The following TRPC6 variants were observed in gnomAD, a reference collection of about 807,000 sequenced individuals.
TRPC6 encodes transient receptor potential cation channel subfamily C member 6.
TRPC6 carries 55 observed loss-of-function variants against 90.7 expected under a neutral mutation model. That is an observed-to-expected ratio of 0.61 (90% CI 0.49 to 0.76). The LOEUF (loss-of-function observed/expected upper bound fraction) is 0.76, where lower values mean the gene tolerates loss of function less well. Ranked by LOEUF, TRPC6 falls within the 30% of genes least tolerant of loss-of-function variation. The pLI is 0.00. For missense variants in TRPC6, 989 were observed against 1,122.7 expected, an observed-to-expected ratio of 0.88 and a Z score of 1.70; for synonymous variants, 393 against 393.0, an observed-to-expected ratio of 1.00 and a Z score of 0.00.
In TRPC6 at chr11:101,491,655, C is replaced by T. The variant is rs1349455609; in HGVS notation, c.1029G>A (p.Glu343=). 2.5e-6 allele frequency: 4 copies of T among 1,613,722 alleles called. No homozygotes were observed. Among genetic ancestry groups the T allele is most frequent in the East Asian group, 2.2e-5 (1 of 44,868 alleles). Residue 343 remains glutamate (E), a synonymous_variant, in exon 3 of 13, where the codon GAG becomes GAA. Coordinates refer to ENST00000344327, the MANE Select transcript of TRPC6 (RefSeq NM_004621.6). ...TTTCAACATCCCCATTCAGAATGGC[C>T]TCGACTTCTTCAGTGTTTCTGCACA... is the stretch of plus-strand genomic sequence containing the variant. The part of the protein sequence containing the change: ...LDLCRNTEEV[E]AILNGDVETL...
intron 10 of TRPC6, among the ~76,000 whole-genome samples, chr11:101,460,774 T>C (rs1246862590): frequency 6.6e-6 from 1 of 152,206 alleles, no homozygotes; most frequent in Non-Finnish European, 1.5e-5. Flanking sequence ...AATTTTATGC[T>C]ATATATATTT....
chr11:101,561,398 AC>A (rs1229416070), intron 1 of TRPC6, among the ~76,000 whole-genome samples: 2 of 152,124 alleles, frequency 1.3e-5, no homozygotes, highest in Non-Finnish European at 2.9e-5. Context: ...TAGAATAAGC[AC>A]CCTTATAAAT....
At chr11:101,504,862 T>C in intron 1 of TRPC6, 64 bp from the exon 2 acceptor site, 5 of 1,576,938 alleles carry the variant, frequency 3.2e-6, no homozygotes, top group Non-Finnish European at 4.3e-6. Flanking sequence ...GCCAAATGAC[T>C]TGCCATTCAT....
chr11:101,566,781 C>T (rs1000722874), intron 1 of TRPC6, among the ~76,000 whole-genome samples: 1 of 152,142 alleles, frequency 6.6e-6, no homozygotes, highest in African/African-American at 2.4e-5. Flanking sequence ...TGCAAGGGGT[C>T]GGGGAACTCC....
chr11:101,521,680 C>T (rs534404371), intron 1 of TRPC6, among the ~76,000 whole-genome samples: 2 of 152,356 alleles, frequency 1.3e-5, no homozygotes, highest in South Asian at 4.1e-4. Context: ...AACACCAGCC[C>T]TTGAGAGCAG....
In TRPC6 at chr11:101,469,511, A is replaced by ATAGAT. The variant is rs752788506; in HGVS notation, c.2410-15_2410-11dup. On this transcript the variant is annotated splice_polypyrimidine_tract_variant and intron_variant, in intron 9 of 12. Coordinates refer to ENST00000344327, the MANE Select transcript of TRPC6 (RefSeq NM_004621.6). ...TCTTTTCTTCATTTATCTTTTAAAG[A>ATAGAT]TAGATAGTAAAATGAGTATAACTGC... is the stretch of plus-strand genomic sequence containing the variant. The ATAGAT allele has an allele frequency of 1.3e-6, 1 of 751,152 alleles. No individual in the cohort carries two copies. Among genetic ancestry groups the ATAGAT allele is most frequent in the African/African-American group, 1.7e-5 (1 of 58,604 alleles). The allele number at this position is 751,152 out of a possible 1,614,324, so 46.5% of individuals were successfully genotyped here. A position where few individuals can be genotyped will look rare whatever the true frequency, so the allele number is the denominator to read the frequency against.
At chr11:101,475,148 A>C (rs1426139055) in intron 6 of TRPC6, among the ~76,000 whole-genome samples, 1 of 152,172 alleles carries the variant, frequency 6.6e-6, no homozygotes, top group Non-Finnish European at 1.5e-5. Flanking sequence ...TCTGGCCTCC[A>C]TATTAATTTC....
intron 11 of TRPC6, 46 bp from the exon 12 acceptor site, chr11:101,453,771 G>T: frequency 6.4e-7 from 1 of 1,561,442 alleles, no homozygotes; most frequent in South Asian, 1.1e-5. Context: ...TCAGGTTCAT[G>T]ACAAATCTCT....
chr11:101,487,678 G>T (rs1443952026), intron 4 of TRPC6, among the ~76,000 whole-genome samples: 1 of 152,058 alleles, frequency 6.6e-6, no homozygotes, highest in Non-Finnish European at 1.5e-5. Flanking sequence ...TACTACAGAT[G>T]TCATTTCTAG....
intron 3 of TRPC6, among the ~76,000 whole-genome samples, chr11:101,491,087 A>G (rs1340784085): frequency 1.3e-5 from 2 of 152,222 alleles, no homozygotes; most frequent in Admixed American, 1.3e-4. Flanking sequence ...TAGTGTAGGT[A>G]GAGTGCCTCA....
intron 1 of TRPC6, among the ~76,000 whole-genome samples, chr11:101,569,273 G>A (rs1861903180): frequency 6.6e-6 from 1 of 151,654 alleles, no homozygotes; most frequent in Admixed American, 6.6e-5. Flanking sequence ...AACAAAGAAG[G>A]CCATTACATG....
At chr11:101,487,453 C>G (rs1335440053) in intron 4 of TRPC6, among the ~76,000 whole-genome samples, 1 of 152,000 alleles carries the variant, frequency 6.6e-6, no homozygotes, top group Non-Finnish European at 1.5e-5. Context: ...TGAAGTCTTG[C>G]CTTTTAGTAC....
chr11:101,565,900 A>T (rs1861817949), intron 1 of TRPC6, among the ~76,000 whole-genome samples: 1 of 152,184 alleles, frequency 6.6e-6, no homozygotes, highest in Non-Finnish European at 1.5e-5. Flanking sequence ...TGTGAAAACC[A>T]CTAATTAAAA....
At chr11:101,526,274 T>A (rs1458064933) in intron 1 of TRPC6, among the ~76,000 whole-genome samples, 6 of 152,204 alleles carry the variant, frequency 3.9e-5, no homozygotes, top group Admixed American at 2.0e-4. Flanking sequence ...ACTGTTATTC[T>A]TACAGAAACT....
rs556624411 is a variant in TRPC6, at chr11:101,466,281, T to C, written c.2484+3146A>G. On this transcript the variant is annotated intron_variant, in intron 10 of 12. Coordinates refer to ENST00000344327, the MANE Select transcript of TRPC6 (RefSeq NM_004621.6). ...TTTTCAGAGCCGCCAGGCAGGGATG[T>C]TTAAGTCTGCTGAAGCTGTGCCCAC... Among the ~76,000 whole-genome samples, 5 of 152,320 alleles carry C rather than the reference T, an allele frequency of 3.3e-5. No individual in the cohort carries two copies. The South Asian group carries it at 1.0e-3, about 32-fold the overall frequency.
intron 10 of TRPC6, among the ~76,000 whole-genome samples, chr11:101,458,880 T>A (rs1858942363): frequency 6.6e-6 from 1 of 152,186 alleles, no homozygotes; most frequent in African/African-American, 2.4e-5. Flanking sequence ...AGAAATTCAC[T>A]TACCATCTTA....
chr11:101,531,886 A>G (rs1024315220), intron 1 of TRPC6, among the ~76,000 whole-genome samples: 1 of 152,154 alleles, frequency 6.6e-6, no homozygotes, highest in African/African-American at 2.4e-5. Flanking sequence ...AACCGCCCTA[A>G]GCATTCTCTC....
chr11:101,534,583 TAA>T lies in TRPC6; in HGVS notation c.171-29787_171-29786del, dbSNP rs201189266. ...TGTTGATAATGACAAGGAAGTTTAT[TAA>T]AAAAAAAAACCCAGGTCACTACATA... On this transcript the variant is annotated intron_variant, in intron 1 of 12. Transcript: ENST00000344327. 4.1e-5 allele frequency among the ~76,000 whole-genome samples: 6 copies of T among 145,748 alleles called. No individual in the cohort carries two copies. In the South Asian group the frequency reaches 1.3e-3, roughly 31 times the overall value.
At chr11:101,525,027 T>C (rs925035401) in intron 1 of TRPC6, among the ~76,000 whole-genome samples, 8 of 150,862 alleles carry the variant, frequency 5.3e-5, no homozygotes, top group African/African-American at 1.9e-4. Flanking sequence ...GTAGAAATCT[T>C]AAAGGAATTG....
Sources: gnomAD v4.1 joint callset for allele counts (sites outside exome capture counted in the v4.1 genomes callset) on GRCh38, gnomAD v4.1.1 for gene constraint, MANE v1.5 for transcripts, NCBI Gene and HGNC (gene_info 2026-07-23, HGNC 2026-07-21) for gene names.